The following INPP4B variants were observed in gnomAD, a reference collection of about 807,000 sequenced individuals.
The protein encoded by INPP4B is inositol polyphosphate 4-phosphatase type II.
INPP4B carries 55 observed loss-of-function variants against 122.5 expected under a neutral mutation model. That is an observed-to-expected ratio of 0.45 (90% CI 0.36 to 0.56). INPP4B has a LOEUF of 0.56. Among genes scored for constraint, INPP4B ranks in the 20% least tolerant of loss-of-function variants. INPP4B has a pLI of 0.00. For missense variants in INPP4B, 1,000 were observed against 1,097.7 expected, an observed-to-expected ratio of 0.91 and a Z score of 1.26; for synonymous variants, 403 against 388.7, an observed-to-expected ratio of 1.04 and a Z score of -0.43.
At chr4:142,540,170 T>A (rs1242739605) in intron 2 of INPP4B, among the ~76,000 whole-genome samples, 1 of 152,052 alleles carries the variant, frequency 6.6e-6, no homozygotes, top group Non-Finnish European at 1.5e-5. Context: ...AAAAAAACAC[T>A]ACTTTATCAT....
chr4:142,730,965 T>TTA (rs540166018), intron 1 of INPP4B, among the ~76,000 whole-genome samples: 78 of 151,630 alleles, frequency 5.1e-4, no homozygotes, highest in African/African-American at 1.7e-3. Flanking sequence ...AGTTTTTTTT[T>TTA]AAATTTAATT....
intron 7 of INPP4B, among the ~76,000 whole-genome samples, chr4:142,337,855 T>C (rs1194661807): frequency 6.6e-6 from 1 of 150,812 alleles, no homozygotes; most frequent in Non-Finnish European, 1.5e-5. Context: ...TCTCTACAAC[T>C]TGTCTCTTTT....
At chr4:142,259,902 G>C (rs1391372390) in intron 11 of INPP4B, among the ~76,000 whole-genome samples, 1 of 152,134 alleles carries the variant, frequency 6.6e-6, no homozygotes, top group Non-Finnish European at 1.5e-5. Flanking sequence ...AAATATTTTA[G>C]CTGTGTTATA....
Position 142,314,613 on chromosome 4 carries a change from A to G in INPP4B, c.423+99T>C, listed in dbSNP as rs1022477606. The stretch of plus-strand genomic sequence containing the variant: ...GAGCCACACCCTGTTAATGTAATTC[A>G]ATTTTATTTGTCAGTTACCAAGCAG... On this transcript the variant is annotated intron_variant, in intron 8 of 25. Transcript: ENST00000262992. 43 of 1,114,044 alleles carry G rather than the reference A, an allele frequency of 3.9e-5. No individual in the cohort carries two copies. The South Asian group carries it at 5.5e-4, about 14-fold the overall frequency. 69.0% of individuals were successfully genotyped at this position (1,114,044 alleles called of 1,614,324 possible).
chr4:142,030,881 A>G (rs921661261), intron 25 of INPP4B, among the ~76,000 whole-genome samples: 5 of 152,324 alleles, frequency 3.3e-5, no homozygotes, highest in Admixed American at 3.3e-4. Context: ...TTAGTTTAAT[A>G]AAATCCAACT....
rs5862590 is a variant in INPP4B, at chr4:142,367,188, ATGTGTGTG to A, written c.372+35742_372+35749del. 1.1e-3 allele frequency among the ~76,000 whole-genome samples: 140 copies of A among 132,812 alleles called. 2 individuals carry two copies. The highest frequency in any genetic ancestry group is 3.8e-3 in the Middle Eastern group (1 of 262). 87.1% of individuals were successfully genotyped at this position (132,812 alleles called of 152,430 possible). ...AATAGTGTGTATGTATACATGTAAT[ATGTGTGTG>A]TGTGTGTGTGTGTGTGTGTGTGTGT... On this transcript the variant is annotated intron_variant, in intron 7 of 25. Coordinates refer to ENST00000262992, the MANE Select transcript of INPP4B (RefSeq NM_001101669.3).
chr4:142,402,236 A>C (rs1801860659), intron 7 of INPP4B, among the ~76,000 whole-genome samples: 1 of 152,188 alleles, frequency 6.6e-6, no homozygotes. Context: ...ATTCATGCTA[A>C]TGGAAGAAAT....
intron 16 of INPP4B, among the ~76,000 whole-genome samples, chr4:142,166,853 C>T (rs1823002159): frequency 6.6e-6 from 1 of 151,874 alleles, no homozygotes; most frequent in Non-Finnish European, 1.5e-5. Flanking sequence ...TGTCTCATGC[C>T]AGTCAGAATG....
At chr4:142,671,410 C>CCT (rs1387956195) in intron 2 of INPP4B, among the ~76,000 whole-genome samples, 1 of 152,124 alleles carries the variant, frequency 6.6e-6, no homozygotes, top group East Asian at 1.9e-4. Flanking sequence ...GAAATGGATT[C>CCT]TGAAACACAC....
At chr4:142,768,089 C>T (rs1352318119) in intron 1 of INPP4B, 3 of 152,130 alleles carry the variant, frequency 2.0e-5, no homozygotes, top group Non-Finnish European at 4.4e-5. Context: ...TGTTGTCTAC[C>T]TCAAAAGCAT....
At chr4:142,502,183 T>A (rs970755229) in intron 2 of INPP4B, among the ~76,000 whole-genome samples, 10 of 152,170 alleles carry the variant, frequency 6.6e-5, no homozygotes, top group African/African-American at 1.7e-4. Context: ...TCCTCTGGTG[T>A]CTAAGCTTCA....
rs188577955 is a variant in INPP4B at position 142,358,825 on chromosome 4, G to A, written c.373-44063C>T. Among the ~76,000 whole-genome samples, 108 of 152,026 alleles carry A rather than the reference G, an allele frequency of 7.1e-4. 1 individual carries two copies. The highest frequency in any genetic ancestry group is 1.4e-3 in the Non-Finnish European group (95 of 67,922). ...CAGCAGCTGGCTTGGGAAGCTGTATGCTTAACAATGCCTCAGGTATATGCC... is the reference window on the plus strand; with the variant it reads ...CAGCAGCTGGCTTGGGAAGCTGTATACTTAACAATGCCTCAGGTATATGCC... On this transcript the variant is annotated intron_variant, in intron 7 of 25. Transcript: ENST00000262992.
intron 2 of INPP4B, among the ~76,000 whole-genome samples, chr4:142,632,608 A>G (rs1176447566): frequency 1.3e-5 from 2 of 152,144 alleles, no homozygotes; most frequent in East Asian, 1.9e-4. Context: ...ATAAATATCA[A>G]TGCTATAAAA....
chr4:142,760,493 C>T (rs748947121), intron 1 of INPP4B, among the ~76,000 whole-genome samples: 43 of 152,022 alleles, frequency 2.8e-4, no homozygotes, highest in Non-Finnish European at 5.9e-4. Flanking sequence ...CATGTAAAAG[C>T]CTGCAAAACC....
intron 7 of INPP4B, among the ~76,000 whole-genome samples, chr4:142,394,703 A>T (rs949979838): frequency 5.3e-5 from 8 of 152,172 alleles, no homozygotes; most frequent in Admixed American, 3.3e-4. Context: ...TTACATACAT[A>T]TTTTGGATAT....
At chr4:142,285,202 A>G (rs1183444174) in intron 9 of INPP4B, among the ~76,000 whole-genome samples, 1 of 151,948 alleles carries the variant, frequency 6.6e-6, no homozygotes, top group Non-Finnish European at 1.5e-5. Context: ...GACAATGAGA[A>G]TGGGTACTCA....
chr4:142,781,027 G>C (rs1454300777), intron 1 of INPP4B, among the ~76,000 whole-genome samples: 1 of 152,152 alleles, frequency 6.6e-6, no homozygotes, highest in East Asian at 1.9e-4. Context: ...GAATTTGTGA[G>C]CTAAAAAGTG....
intron 2 of INPP4B, among the ~76,000 whole-genome samples, chr4:142,702,731 A>T (rs1484818782): frequency 8.4e-5 from 1 of 11,930 alleles, no homozygotes; most frequent in African/African-American, 4.2e-4. Flanking sequence ...ACTCCGTCTC[A>T]AAAAAAAAAA....
intron 2 of INPP4B, among the ~76,000 whole-genome samples, chr4:142,534,227 T>C (rs565075799): frequency 6.6e-6 from 1 of 152,274 alleles, no homozygotes; most frequent in Admixed American, 6.5e-5. Flanking sequence ...CCTCAAGTCA[T>C]GAAAAATAAT....
Sources: allele counts gnomAD v4.1 joint callset (sites outside exome capture counted in the v4.1 genomes callset), GRCh38; gene constraint gnomAD v4.1.1; transcripts MANE v1.5; gene names NCBI Gene and HGNC (gene_info 2026-07-23, HGNC 2026-07-21).